SCTR: variants seen among roughly 807,000 people sequenced by gnomAD.
The protein encoded by SCTR is pancreatic secretin receptor.
In SCTR, 56 loss-of-function variants were observed where a neutral mutation model predicts 60.8. The ratio of observed to expected loss-of-function variants is 0.92; its 90% CI spans 0.74 to 1.15. The LOEUF (loss-of-function observed/expected upper bound fraction) is 1.15. Among genes scored for constraint, SCTR ranks in the 50% most tolerant of loss-of-function variants. SCTR has a pLI of 0.00. For synonymous variants in SCTR, 202 were observed against 217.0 expected (o/e 0.93, Z 0.61); for missense variants, 562 against 550.4 (o/e 1.02, Z -0.21).
At chr2:119,446,928 C>T (rs753285860) in intron 10 of SCTR, 43 bp from the exon 11 acceptor site, 12 of 1,397,114 alleles carry the variant, frequency 8.6e-6, no homozygotes, top group Admixed American at 5.3e-5. Context: ...TGCCTCCCTG[C>T]GCCCTTTCTC....
In SCTR at chr2:119,439,925, C is replaced by G; in HGVS notation, c.*192G>C. ...TCTCTTCCCAGAAGAGCAAACGAAC[C>G]AAATCCCAGGCCCTTGTCCTGCCCC... is the stretch of plus-strand genomic sequence containing the variant. On this transcript the variant is annotated 3_prime_UTR_variant, in exon 13 of 13. Coordinates refer to ENST00000019103, the MANE Select transcript of SCTR (RefSeq NM_002980.3). 1.7e-6 allele frequency: 1 copy of G among 582,766 alleles called. No homozygotes were observed. The highest frequency in any genetic ancestry group is 2.9e-6 in the Non-Finnish European group (1 of 340,774). 36.1% of individuals were successfully genotyped at this position (582,766 alleles called of 1,614,324 possible). A position where few individuals can be genotyped will look rare whatever the true frequency, so the allele number is the denominator to read the frequency against.
chr2:119,499,384 A>G (rs534281370), intron 1 of SCTR, among the ~76,000 whole-genome samples: 1 of 152,228 alleles, frequency 6.6e-6, no homozygotes, highest in South Asian at 2.1e-4. Flanking sequence ...TAACGTTTAT[A>G]GAACATTTCA....
chr2:119,495,340 G>A (rs1678304750), intron 1 of SCTR: 1 of 152,248 alleles, frequency 6.6e-6, no homozygotes, highest in Admixed American at 6.5e-5. Context: ...ATCACACCTA[G>A]AACAGCGACT....
chr2:119,497,255 C>T (rs1471659806), intron 1 of SCTR, among the ~76,000 whole-genome samples: 1 of 152,020 alleles, frequency 6.6e-6, no homozygotes, highest in Admixed American at 6.6e-5. Flanking sequence ...CTCCCCCACT[C>T]TGCAGGTGTC....
At chr2:119,492,205 G>C (rs538606665) in intron 2 of SCTR, among the ~76,000 whole-genome samples, 1 of 152,340 alleles carries the variant, frequency 6.6e-6, no homozygotes, top group South Asian at 2.1e-4. Flanking sequence ...AGGCAAAAGA[G>C]AGGAATCTGG....
chr2:119,474,173 G>T (rs2104833159), intron 3 of SCTR, among the ~76,000 whole-genome samples: 1 of 152,322 alleles, frequency 6.6e-6, no homozygotes, highest in Non-Finnish European at 1.5e-5. Context: ...CTGGCACGAG[G>T]ACGCATGCTG....
intron 1 of SCTR, among the ~76,000 whole-genome samples, chr2:119,494,869 T>C (rs1243239841): frequency 6.6e-6 from 1 of 152,262 alleles, no homozygotes; most frequent in Non-Finnish European, 1.5e-5. Flanking sequence ...GGACTTACTT[T>C]ATGCTACTCC....
Position 119,464,212 on chromosome 2 carries a change from C to T in SCTR, c.547G>A (p.Val183Met). 3.1e-6 allele frequency: 5 copies of T among 1,614,154 alleles called. No individual in the cohort carries two copies. The East Asian group carries it at 6.7e-5, about 22-fold the overall frequency. ...GACAGGGCACGAAGGATGAAGGACA[C>T]GAACAGGTGCATGTGGATGTAGTTG... ...TRNYIHMHLF[V>M]SFILRALSNF... The change falls in exon 6 of 13, where the codon GTG becomes ATG. Residue 183 changes from valine (V) to methionine (M), a missense_variant. Physicochemically the swap from Val to Met is conservative, Grantham distance 21. Coordinates refer to ENST00000019103, the MANE Select transcript of SCTR (RefSeq NM_002980.3).
At chr2:119,474,560 G>A (rs897329967) in intron 3 of SCTR, among the ~76,000 whole-genome samples, 2 of 152,214 alleles carry the variant, frequency 1.3e-5, no homozygotes, top group African/African-American at 4.8e-5. Flanking sequence ...GCCGAGTCCT[G>A]TGGGTAGGAG....
chr2:119,488,118 C>T (rs1166982523), intron 2 of SCTR, among the ~76,000 whole-genome samples: 3 of 152,274 alleles, frequency 2.0e-5, no homozygotes. Flanking sequence ...AGGCAGAGTC[C>T]TTGGGCCTCT....
intron 3 of SCTR, among the ~76,000 whole-genome samples, chr2:119,478,142 G>T (rs902157741): frequency 1.3e-5 from 2 of 152,208 alleles, no homozygotes; most frequent in Non-Finnish European, 2.9e-5. Flanking sequence ...GGAAAGAGGG[G>T]CAGCTGCACA....
rs144764227 is a variant in SCTR, at chr2:119,463,676, G to T, written c.636+447C>A. Among the ~76,000 whole-genome samples the T allele has an allele frequency of 4.6e-5, 7 of 152,284 alleles. No homozygotes were observed. In the East Asian group the frequency reaches 1.3e-3, roughly 29 times the overall value. ...CATCTGGGCATTTGGAAGGAGAAAG[G>T]GGGTTAGATTTAAGAAAACACAACG... is the stretch of plus-strand genomic sequence containing the variant. On this transcript the variant is annotated intron_variant, in intron 6 of 12. Coordinates refer to ENST00000019103, the MANE Select transcript of SCTR (RefSeq NM_002980.3).
At chr2:119,522,440 G>A (rs1573940141) in intron 1 of SCTR, among the ~76,000 whole-genome samples, 1 of 152,254 alleles carries the variant, frequency 6.6e-6, no homozygotes, top group East Asian at 1.9e-4. Flanking sequence ...TGCTAGTCCC[G>A]GCTCTACTAC....
chr2:119,468,647 G>A (rs1278355259), intron 4 of SCTR, among the ~76,000 whole-genome samples: 1 of 152,220 alleles, frequency 6.6e-6, no homozygotes, highest in Non-Finnish European at 1.5e-5. Context: ...TGAGATGGTA[G>A]GAAGTCTGAG....
Position 119,446,894 on chromosome 2 carries a change from A to C in SCTR, c.1014-9T>G. On this transcript the variant is annotated splice_polypyrimidine_tract_variant and intron_variant, in intron 10 of 12. Transcript: ENST00000019103. ...TGGACCTGGCCAGGCGCCTGGGGACACAGAAAGCCTGTAGCCTCCACTCTG... is the reference window on the plus strand; with the variant it reads ...TGGACCTGGCCAGGCGCCTGGGGACCCAGAAAGCCTGTAGCCTCCACTCTG... 1 of 1,498,920 alleles carries C rather than the reference A, an allele frequency of 6.7e-7. No homozygotes were observed. The highest frequency in any genetic ancestry group is 8.9e-7 in the Non-Finnish European group (1 of 1,120,622). 92.9% of individuals were successfully genotyped at this position (1,498,920 alleles called of 1,614,324 possible).
At chr2:119,450,938 G>C (rs11674744) in intron 9 of SCTR, among the ~76,000 whole-genome samples, 92,603 of 152,154 alleles carry the variant, frequency 0.61, 29,154 homozygotes, top group Non-Finnish European at 0.69. Context: ...GCTCCAGCCT[G>C]GGTGACAGAG....
In SCTR at chr2:119,448,710, C is replaced by T. The variant is rs1464896972; in HGVS notation, c.992G>A (p.Gly331Glu). 6.3e-7 allele frequency: 1 copy of T among 1,595,720 alleles called. No individual in the cohort carries two copies. Among genetic ancestry groups the T allele is most frequent in the South Asian group, 1.1e-5 (1 of 90,682 alleles). ...TTACTTATAATGGCTGACTTCATTTCCTCTTGTTTCTTGGGTTCTAAGTTT... is the reference window on the plus strand; with the variant it reads ...TTACTTATAATGGCTGACTTCATTTTCTCTTGTTTCTTGGGTTCTAAGTTT... ...MRKLRTQETR[G>E]NEVSHYKRLA... is the part of the protein sequence containing the mutation. Residue 331 changes from glycine to glutamate, a missense_variant, in exon 10 of 13, where the codon GGA becomes GAA. Transcript: ENST00000019103.
Position 119,440,173 on chromosome 2 carries a change from T to G in SCTR, c.1267A>C (p.Thr423Pro), listed in dbSNP as rs1573771823. The change falls in exon 13 of 13, where the codon ACC (threonine) becomes CCC (proline). Residue 423 changes from threonine to proline, a missense_variant. Transcript: ENST00000019103. ...LHPVASFSNSTKASHLEQSQG... is the reference protein window; with the variant it reads ...LHPVASFSNSPKASHLEQSQG... Reference sequence around the variant, plus strand: ...CTCTGCTCCAAGTGGCTGGCCTTGGTGCTGTTGCTGAAGGAGGCCACGGGG... The same window carrying G: ...CTCTGCTCCAAGTGGCTGGCCTTGGGGCTGTTGCTGAAGGAGGCCACGGGG... 6.2e-7 allele frequency: 1 copy of G among 1,614,054 alleles called. No homozygotes were observed. The highest frequency in any genetic ancestry group is 2.2e-5 in the East Asian group (1 of 44,858).
chr2:119,464,687 C>T (rs1683758922), intron 5 of SCTR, among the ~76,000 whole-genome samples: 1 of 152,122 alleles, frequency 6.6e-6, no homozygotes, highest in Non-Finnish European at 1.5e-5. Flanking sequence ...TCTACCATTG[C>T]CACTGCACTC....
Sources: allele counts gnomAD v4.1 joint callset (sites outside exome capture counted in the v4.1 genomes callset), GRCh38; gene constraint gnomAD v4.1.1; transcripts MANE v1.5; gene names NCBI Gene and HGNC (gene_info 2026-07-23, HGNC 2026-07-21).